The following PVT1 variants were observed in gnomAD, a reference collection of about 807,000 sequenced individuals.
PVT1 encodes Pvt1 oncogene.
intron 2 of PVT1, among the ~76,000 whole-genome samples, chr8:127,827,569 C>G (rs1814804711): frequency 6.6e-6 from 1 of 152,114 alleles, no homozygotes; most frequent in South Asian, 2.1e-4. Flanking sequence ...ATCTGTGCAG[C>G]TTGTTCCTTA....
intron 2 of PVT1, among the ~76,000 whole-genome samples, chr8:127,828,442 A>C (rs1022877031): frequency 6.6e-6 from 1 of 152,198 alleles, no homozygotes; most frequent in African/African-American, 2.4e-5. Flanking sequence ...GGTGAAGCTT[A>C]GTGGCCTCTC....
chr8:128,072,606 G>A lies in PVT1; in HGVS notation n.1114+2245G>A, dbSNP rs967572464. Among the ~76,000 whole-genome samples the A allele has an allele frequency of 5.9e-5, 9 of 152,058 alleles. No homozygotes were observed. The South Asian group carries it at 6.2e-4, about 11-fold the overall frequency. ...TCCCCCCAACTCCATTTTAGTCACC[G>A]CGAGGCTCAGGAAAACAGAATTTCA... On this transcript the variant is annotated intron_variant and non_coding_transcript_variant, in intron 5 of 10. Transcript: ENST00000651587.
chr8:128,055,295 A>G (rs1026302783), intron 4 of PVT1, among the ~76,000 whole-genome samples: 4 of 152,224 alleles, frequency 2.6e-5, no homozygotes, highest in Admixed American at 2.6e-4. Flanking sequence ...ACATCATAAT[A>G]TGCAGACTTT....
intron 3 of PVT1, among the ~76,000 whole-genome samples, chr8:127,987,676 G>T (rs1816984654): frequency 6.6e-6 from 1 of 152,176 alleles, no homozygotes; most frequent in African/African-American, 2.4e-5. Flanking sequence ...ACTTGTTCAG[G>T]GTCCTAAAAA....
chr8:127,828,859 A>G (rs556718987), intron 2 of PVT1, among the ~76,000 whole-genome samples: 1 of 152,254 alleles, frequency 6.6e-6, no homozygotes, highest in African/African-American at 2.4e-5. Context: ...TGCTCGTTCC[A>G]AGTTCTGTGC....
chr8:127,873,276 C>T (rs1815371834), intron 2 of PVT1, among the ~76,000 whole-genome samples: 1 of 152,130 alleles, frequency 6.6e-6, no homozygotes, highest in South Asian at 2.1e-4. Flanking sequence ...ACCTTCAGCT[C>T]TTTTACTTGC....
intron 4 of PVT1, among the ~76,000 whole-genome samples, chr8:128,043,156 A>G (rs969620633): frequency 3.9e-5 from 6 of 152,158 alleles, no homozygotes; most frequent in African/African-American, 1.2e-4. Context: ...CATCCACTTA[A>G]TGTTGTATTG....
chr8:127,927,327 G>T (rs1816142649), intron 3 of PVT1, among the ~76,000 whole-genome samples: 1 of 152,210 alleles, frequency 6.6e-6, no homozygotes, highest in Admixed American at 6.5e-5. Context: ...CCACGCAGGG[G>T]CTCAGCCTCG....
At chr8:127,836,482 G>T (rs1280464281) in intron 2 of PVT1, among the ~76,000 whole-genome samples, 1 of 152,076 alleles carries the variant, frequency 6.6e-6, no homozygotes, top group Non-Finnish European at 1.5e-5. Context: ...GCTGCAGAGG[G>T]TTAGGTCAAG....
At chr8:127,979,955 C>T (rs1308946034) in intron 3 of PVT1, among the ~76,000 whole-genome samples, 1 of 152,194 alleles carries the variant, frequency 6.6e-6, no homozygotes, top group Non-Finnish European at 1.5e-5. Flanking sequence ...TCATAGCCCA[C>T]TACAGCCTTG....
chr8:127,942,094 A>T (rs955640480), intron 3 of PVT1, among the ~76,000 whole-genome samples: 1 of 152,172 alleles, frequency 6.6e-6, no homozygotes, highest in Non-Finnish European at 1.5e-5. Context: ...CCATGTCCCC[A>T]GCTCTGTAAC....
intron 3 of PVT1, among the ~76,000 whole-genome samples, chr8:127,926,437 T>C (rs183610284): frequency 8.7e-4 from 133 of 152,332 alleles, no homozygotes; most frequent in African/African-American, 3.0e-3. Context: ...CTCTGGAGAT[T>C]AGCCTTCCTC....
chr8:128,058,322 G>A (rs1172305378), intron 4 of PVT1, among the ~76,000 whole-genome samples: 1 of 151,658 alleles, frequency 6.6e-6, no homozygotes, highest in Non-Finnish European at 1.5e-5. Context: ...ACCTCTTCCA[G>A]AAAAAGTGAA....
chr8:127,806,252 G>A (rs1371339151), intron 2 of PVT1, among the ~76,000 whole-genome samples: 1 of 152,144 alleles, frequency 6.6e-6, no homozygotes, highest in African/African-American at 2.4e-5. Context: ...CACAAGGTCA[G>A]GCGTTCGAGA....
At chr8:127,877,471 GTC>G (rs145239419) in intron 2 of PVT1, among the ~76,000 whole-genome samples, 1,726 of 151,622 alleles carry the variant, frequency 0.011, 38 homozygotes, top group African/African-American at 0.039. Context: ...TACCCCGAGG[GTC>G]TCTCTCTCTC....
chr8:128,095,931 C>A (rs567597615), intron 5 of PVT1, among the ~76,000 whole-genome samples: 2 of 152,194 alleles, frequency 1.3e-5, no homozygotes, highest in Non-Finnish European at 2.9e-5. Context: ...CCCTCCAGAT[C>A]TCATATGTAA....
At chr8:128,092,554 C>T (rs1405448857) in intron 5 of PVT1, among the ~76,000 whole-genome samples, 4 of 152,204 alleles carry the variant, frequency 2.6e-5, no homozygotes, top group Non-Finnish European at 5.9e-5. Flanking sequence ...GTTCCGGAAC[C>T]GGTAGGGGCT....
chr8:127,917,656 T>A (rs1341449479), intron 3 of PVT1, among the ~76,000 whole-genome samples: 1 of 152,242 alleles, frequency 6.6e-6, no homozygotes, highest in Non-Finnish European at 1.5e-5. Flanking sequence ...CTCAAACCTC[T>A]GTTTCCTGGA....
At chr8:127,908,501 C>T (rs952194102) in intron 3 of PVT1, among the ~76,000 whole-genome samples, 12 of 151,842 alleles carry the variant, frequency 7.9e-5, no homozygotes, top group African/African-American at 2.7e-4. Context: ...GCCACCACGC[C>T]CGGCTAATTT....
Sources: gnomAD v4.1 joint callset for allele counts (sites outside exome capture counted in the v4.1 genomes callset) on GRCh38, gnomAD v4.1.1 for gene constraint, MANE v1.5 for transcripts, NCBI Gene and HGNC (gene_info 2026-07-23, HGNC 2026-07-21) for gene names.